The following DCC variants were observed in gnomAD, a reference collection of about 807,000 sequenced individuals.
The protein encoded by DCC is netrin receptor DCC.
Under a neutral mutation model 172.5 loss-of-function variants are expected in DCC, and 58 were observed. The ratio of observed to expected loss-of-function variants is 0.34; its 90% CI spans 0.27 to 0.42. The LOEUF is 0.42. DCC is among the 10% of genes least tolerant of loss of function. The pLI is 1.00. For synonymous variants in DCC, 709 were observed against 644.5 expected (o/e 1.10, Z -1.52); for missense variants, 1,740 against 1,791.0 (o/e 0.97, Z 0.51).
At chr18:53,342,478 CTATCTT>C (rs2057670616) in intron 15 of DCC, among the ~76,000 whole-genome samples, 1 of 151,690 alleles carries the variant, frequency 6.6e-6, no homozygotes, top group African/African-American at 2.4e-5. Flanking sequence ...ATCAATTTAT[CTATCTT>C]TATATCTTTA....
chr18:52,713,308 TA>T (rs1260670085), intron 1 of DCC, among the ~76,000 whole-genome samples: 2 of 152,218 alleles, frequency 1.3e-5, no homozygotes, highest in African/African-American at 4.8e-5. Flanking sequence ...ACTGCAGGGC[TA>T]ATATCACAGT....
intron 1 of DCC, among the ~76,000 whole-genome samples, chr18:52,647,188 C>T (rs1014841304): frequency 6.6e-6 from 1 of 152,150 alleles, no homozygotes. Flanking sequence ...TTGTCATCCA[C>T]GGTAAGGCCA....
chr18:53,094,112 T>G (rs886712108), intron 7 of DCC, among the ~76,000 whole-genome samples: 8 of 152,192 alleles, frequency 5.3e-5, no homozygotes, highest in Non-Finnish European at 1.2e-4. Flanking sequence ...CCCATTTCAT[T>G]TTGTGGTAAT....
At chr18:52,801,891 TTGTC>T (rs2037994850) in intron 2 of DCC, among the ~76,000 whole-genome samples, 1 of 152,190 alleles carries the variant, frequency 6.6e-6, no homozygotes, top group Non-Finnish European at 1.5e-5. Context: ...CTCTATGTGC[TTGTC>T]TGTTCAAAAA....
At chr18:53,020,461 T>C (rs764659054) in intron 5 of DCC, among the ~76,000 whole-genome samples, 6 of 152,150 alleles carry the variant, frequency 3.9e-5, no homozygotes, top group Non-Finnish European at 5.9e-5. Context: ...AGTCTCTGAG[T>C]GTTTCGCTCA....
At chr18:52,351,662 G>T (rs956789462) in intron 1 of DCC, among the ~76,000 whole-genome samples, 1 of 152,152 alleles carries the variant, frequency 6.6e-6, no homozygotes, top group Non-Finnish European at 1.5e-5. Context: ...AAATAGAATT[G>T]CCATGGACAT....
chr18:53,446,507 A>T (rs1912621831), intron 22 of DCC, among the ~76,000 whole-genome samples: 1 of 152,180 alleles, frequency 6.6e-6, no homozygotes, highest in African/African-American at 2.4e-5. Context: ...TGTCTCCCAG[A>T]TCTCCTAACT....
chr18:53,130,635 C>A (rs1405325808), intron 7 of DCC, among the ~76,000 whole-genome samples: 3 of 152,020 alleles, frequency 2.0e-5, no homozygotes, highest in African/African-American at 4.8e-5. Flanking sequence ...AAATTCCGAA[C>A]AATTGTCTTG....
chr18:52,921,580 T>G (rs1468285236), intron 3 of DCC, among the ~76,000 whole-genome samples: 1 of 151,764 alleles, frequency 6.6e-6, no homozygotes, highest in Non-Finnish European at 1.5e-5. Flanking sequence ...ATGACTGTAA[T>G]CCCAGCTATT....
At chr18:52,757,108 G>A (rs184781010) in intron 2 of DCC, 2 of 152,254 alleles carry the variant, frequency 1.3e-5, no homozygotes, top group Non-Finnish European at 2.9e-5. Context: ...TTTTTGGCAA[G>A]CAGTGCCCAA....
chr18:53,096,004 A>G (rs56173310), intron 7 of DCC, among the ~76,000 whole-genome samples: 42,188 of 151,718 alleles, frequency 0.28, 7,575 homozygotes, highest in African/African-American at 0.51. Context: ...CATTGATTTC[A>G]GAGGTCAGGA....
chr18:52,467,055 TA>T (rs1988807103), intron 1 of DCC, among the ~76,000 whole-genome samples: 1 of 126,064 alleles, frequency 7.9e-6, no homozygotes. Flanking sequence ...AAAAAAAAAA[TA>T]TATATATATA....
At chr18:53,270,650 T>G (rs1598968655) in intron 12 of DCC, among the ~76,000 whole-genome samples, 1 of 152,286 alleles carries the variant, frequency 6.6e-6, no homozygotes, top group South Asian at 2.1e-4. Flanking sequence ...TTGTACTTCA[T>G]GATGCTGAAA....
At chr18:53,229,460 C>T (rs959659371) in intron 12 of DCC, among the ~76,000 whole-genome samples, 1 of 152,232 alleles carries the variant, frequency 6.6e-6, no homozygotes, top group African/African-American at 2.4e-5. Flanking sequence ...AACAGTTCCT[C>T]ATTCTTTTAC....
intron 22 of DCC, among the ~76,000 whole-genome samples, chr18:53,441,875 G>A (rs1401262923): frequency 6.6e-6 from 1 of 152,110 alleles, no homozygotes. Flanking sequence ...TAAGATAACT[G>A]AATGTAATCT....
intron 1 of DCC, among the ~76,000 whole-genome samples, chr18:52,581,152 A>G (rs999987210): frequency 9.7e-5 from 5 of 51,476 alleles, no homozygotes; most frequent in South Asian, 6.2e-4. Context: ...ATATATAGTT[A>G]TACACACACA....
intron 12 of DCC, among the ~76,000 whole-genome samples, chr18:53,267,137 T>A (rs536699529): frequency 6.9e-6 from 1 of 144,516 alleles, no homozygotes; most frequent in Non-Finnish European, 1.5e-5. Flanking sequence ...CACACACATA[T>A]ATATATATAT....
At chr18:52,487,859 C>T (rs943045101) in intron 1 of DCC, among the ~76,000 whole-genome samples, 1 of 149,498 alleles carries the variant, frequency 6.7e-6, no homozygotes, top group Non-Finnish European at 1.5e-5. Context: ...CACTAATGCC[C>T]ACTGTAGCAG....
At chr18:53,425,105 CT>C (rs550281346) in intron 21 of DCC, among the ~76,000 whole-genome samples, 10 of 148,056 alleles carry the variant, frequency 6.8e-5, no homozygotes, top group Admixed American at 6.8e-5. Flanking sequence ...TTTTCTTGGC[CT>C]TTTTTTTTTC....
Sources: gnomAD v4.1 joint callset for allele counts (sites outside exome capture counted in the v4.1 genomes callset) on GRCh38, gnomAD v4.1.1 for gene constraint, MANE v1.5 for transcripts, NCBI Gene and HGNC (gene_info 2026-07-23, HGNC 2026-07-21) for gene names.